AFG2A: variants seen among roughly 807,000 people sequenced by gnomAD.
AFG2A encodes ATPase family gene 2 protein homolog A.
the AFG2A span, among the ~76,000 whole-genome samples, chr4:122,982,425 A>G: frequency 6.6e-5 from 10 of 152,190 alleles, no homozygotes; most frequent in African/African-American, 1.9e-4. Flanking sequence ...GAATATTTCC[A>G]TCTATGTTCA....
chr4:123,266,952 AG>A, the AFG2A span, among the ~76,000 whole-genome samples: 1 of 152,016 alleles, frequency 6.6e-6, no homozygotes, highest in Non-Finnish European at 1.5e-5. Context: ...CTTTGAAGTT[AG>A]GATTGGACCC....
chr4:123,115,406 CGGCGACAGAGT>C, the AFG2A span, among the ~76,000 whole-genome samples: 1 of 152,048 alleles, frequency 6.6e-6, no homozygotes, highest in Non-Finnish European at 1.5e-5. Flanking sequence ...AGGGTGGGTG[CGGCGACAGAGT>C]CGCTTGCCAG....
At chr4:123,090,438 A>C in the AFG2A span, 1 of 884,150 alleles carries the variant, frequency 1.1e-6, no homozygotes, top group Non-Finnish European at 1.6e-6. Flanking sequence ...TAATGCAGTA[A>C]ATAAAGTCTC....
At chr4:123,046,630 C>A in the AFG2A span, among the ~76,000 whole-genome samples, 4 of 152,112 alleles carry the variant, frequency 2.6e-5, no homozygotes, top group Non-Finnish European at 5.9e-5. Flanking sequence ...TTGATCTTTT[C>A]TTGGTTTCGG....
At chr4:123,184,825 C>T in the AFG2A span, among the ~76,000 whole-genome samples, 30 of 151,852 alleles carry the variant, frequency 2.0e-4, no homozygotes, top group South Asian at 4.2e-4. Context: ...CGTGAGCCAC[C>T]GCGCCCGGCC....
chr4:123,025,423 G>A, the AFG2A span, among the ~76,000 whole-genome samples: 3 of 152,178 alleles, frequency 2.0e-5, no homozygotes, highest in Non-Finnish European at 2.9e-5. Context: ...GTATTTTGGG[G>A]AGAGTTGATT....
the AFG2A span, among the ~76,000 whole-genome samples, chr4:123,308,625 C>G: frequency 6.6e-6 from 1 of 152,170 alleles, no homozygotes; most frequent in South Asian, 2.1e-4. Flanking sequence ...CACCCGCACT[C>G]CTCCGCCCCC....
chr4:123,229,053 A>G, the AFG2A span, among the ~76,000 whole-genome samples: 3 of 151,964 alleles, frequency 2.0e-5, no homozygotes, highest in Non-Finnish European at 4.4e-5. Flanking sequence ...ACTTCTGAGG[A>G]TGGTTCTAAG....
chr4:123,003,014 T>C, the AFG2A span, among the ~76,000 whole-genome samples: 1 of 152,182 alleles, frequency 6.6e-6, no homozygotes, highest in East Asian at 1.9e-4. Flanking sequence ...CTTTTTATTC[T>C]TTTTTCTCTA....
At chr4:123,082,518 T>C in the AFG2A span, among the ~76,000 whole-genome samples, 1 of 71,706 alleles carries the variant, frequency 1.4e-5, no homozygotes, top group Non-Finnish European at 5.1e-5. Context: ...CTCTCTCTCT[T>C]TTTTCTTTTT....
the AFG2A span, among the ~76,000 whole-genome samples, chr4:123,016,621 G>A: frequency 5.2e-3 from 780 of 149,754 alleles, 7 homozygotes; most frequent in African/African-American, 0.018. Context: ...GGGCAGAGAC[G>A]CTCCTCACTT....
At chr4:123,180,249 G>T in the AFG2A span, among the ~76,000 whole-genome samples, 1 of 152,004 alleles carries the variant, frequency 6.6e-6, no homozygotes, top group Non-Finnish European at 1.5e-5. Flanking sequence ...ACAAAACTTA[G>T]TATGTAACTA....
the AFG2A span, among the ~76,000 whole-genome samples, chr4:122,944,075 C>A: frequency 2.0e-5 from 3 of 152,112 alleles, no homozygotes; most frequent in Admixed American, 6.5e-5. Flanking sequence ...AACATTTTTT[C>A]CTTCATTTTA....
chr4:122,960,653 CAT>C, the AFG2A span, among the ~76,000 whole-genome samples: 1 of 152,160 alleles, frequency 6.6e-6, no homozygotes, highest in Non-Finnish European at 1.5e-5. Flanking sequence ...AATTAAAACT[CAT>C]ATTTAAATAA....
chr4:123,256,212 G>A, the AFG2A span: 2 of 1,606,246 alleles, frequency 1.2e-6, no homozygotes, highest in African/African-American at 2.7e-5. Flanking sequence ...TACCTTAGTG[G>A]GAGGAAAGCG....
chr4:123,083,923 C>T, the AFG2A span, among the ~76,000 whole-genome samples: 1 of 151,980 alleles, frequency 6.6e-6, no homozygotes, highest in Admixed American at 6.6e-5. Context: ...TTGAATTCAC[C>T]AGGAAACGAT....
chr4:123,281,499 A>G, the AFG2A span, among the ~76,000 whole-genome samples: 1 of 152,316 alleles, frequency 6.6e-6, no homozygotes, highest in African/African-American at 2.4e-5. Flanking sequence ...TTAGGCATAG[A>G]CAAATGCACT....
the AFG2A span, among the ~76,000 whole-genome samples, chr4:123,284,039 C>T: frequency 0.73 from 110,683 of 152,102 alleles, 41,353 homozygotes; most frequent in Non-Finnish European, 0.81. Context: ...CAATTATGAT[C>T]ACTTACAGTA....
the AFG2A span, among the ~76,000 whole-genome samples, chr4:123,173,521 A>G: frequency 1.1e-4 from 16 of 151,798 alleles, no homozygotes; most frequent in Admixed American, 1.0e-3. Flanking sequence ...ACGCCCAGCT[A>G]ATTTTTGTAG....
Sources: allele counts gnomAD v4.1 joint callset (sites outside exome capture counted in the v4.1 genomes callset), GRCh38; gene constraint gnomAD v4.1.1; transcripts MANE v1.5; gene names NCBI Gene and HGNC (gene_info 2026-07-23, HGNC 2026-07-21).